Variants in CATSPERT observed in about 807,000 individuals in gnomAD.
The protein encoded by CATSPERT is cation channel sperm-associated targeting subunit tau.
the CATSPERT span, among the ~76,000 whole-genome samples, chr2:201,589,142 A>G: frequency 6.6e-6 from 1 of 152,290 alleles, no homozygotes; most frequent in African/African-American, 2.4e-5. Context: ...ATGCTCATGC[A>G]TAGAAAGAAT....
the CATSPERT span, among the ~76,000 whole-genome samples, chr2:201,582,447 A>G: frequency 6.6e-6 from 1 of 152,190 alleles, no homozygotes; most frequent in African/African-American, 2.4e-5. Flanking sequence ...TATCAACAAA[A>G]TGAAGATCTT....
chr2:201,547,781 C>G, the CATSPERT span, among the ~76,000 whole-genome samples: 1 of 152,090 alleles, frequency 6.6e-6, no homozygotes, highest in East Asian at 1.9e-4. Context: ...ATGATTACAA[C>G]AAAAATCAAG....
the CATSPERT span, among the ~76,000 whole-genome samples, chr2:201,522,058 T>A: frequency 2.9e-3 from 444 of 152,114 alleles, 1 homozygote; most frequent in Middle Eastern, 0.01. Flanking sequence ...ACAGCTAACA[T>A]CATACTGAAT....
the CATSPERT span, chr2:201,492,854 T>C: frequency 6.5e-7 from 1 of 1,536,674 alleles, no homozygotes; most frequent in East Asian, 2.4e-5. Context: ...TCTGAAAGTC[T>C]TTCTACAAGG....
the CATSPERT span, among the ~76,000 whole-genome samples, chr2:201,563,095 G>A: frequency 6.7e-6 from 1 of 150,034 alleles, no homozygotes; most frequent in African/African-American, 2.5e-5. Context: ...GGGGCGGCCG[G>A]GCAGAGGCGC....
At chr2:201,504,434 T>C in the CATSPERT span, among the ~76,000 whole-genome samples, 1 of 152,206 alleles carries the variant, frequency 6.6e-6, no homozygotes, top group Non-Finnish European at 1.5e-5. Context: ...CATGCCCAAA[T>C]AGCTCAAGAT....
chr2:201,600,501 G>A, the CATSPERT span, among the ~76,000 whole-genome samples: 1 of 152,024 alleles, frequency 6.6e-6, no homozygotes, highest in African/African-American at 2.4e-5. Flanking sequence ...TGACTTGACA[G>A]GTGCAGCAAG....
chr2:201,520,664 G>T, the CATSPERT span, among the ~76,000 whole-genome samples: 1 of 152,106 alleles, frequency 6.6e-6, no homozygotes, highest in Non-Finnish European at 1.5e-5. Flanking sequence ...GAGGCGGGTG[G>T]ATCATTTGAG....
the CATSPERT span, chr2:201,574,387 T>A: frequency 6.4e-6 from 5 of 778,744 alleles, no homozygotes; most frequent in Non-Finnish European, 9.7e-6. Flanking sequence ...AGCCAAAGTA[T>A]GAATCTCCTG....
chr2:201,567,777 T>G, the CATSPERT span, among the ~76,000 whole-genome samples: 1 of 152,198 alleles, frequency 6.6e-6, no homozygotes, highest in Non-Finnish European at 1.5e-5. Flanking sequence ...AAAGTGAATC[T>G]CATCATAAAC....
At chr2:201,550,124 T>G in the CATSPERT span, 1 of 152,166 alleles carries the variant, frequency 6.6e-6, no homozygotes, top group Non-Finnish European at 1.5e-5. Context: ...AGCTGTTCCA[T>G]CATTAGGCCT....
the CATSPERT span, among the ~76,000 whole-genome samples, chr2:201,534,084 C>A: frequency 1.1e-3 from 163 of 146,100 alleles, 1 homozygote; most frequent in African/African-American, 4.0e-3. Flanking sequence ...ATCTATCTAT[C>A]TATCAAATCT....
At chr2:201,537,351 T>C in the CATSPERT span, 10 of 1,172,522 alleles carry the variant, frequency 8.5e-6, no homozygotes, top group Admixed American at 4.9e-5. Flanking sequence ...TGCCTTTCTC[T>C]ATCTATAAAT....
chr2:201,493,961 C>A, the CATSPERT span: 2 of 1,536,450 alleles, frequency 1.3e-6, no homozygotes, highest in Non-Finnish European at 1.7e-6. Flanking sequence ...ATTATCTGAC[C>A]CCCTTCTGAA....
chr2:201,564,318 A>C, the CATSPERT span, among the ~76,000 whole-genome samples: 1 of 152,228 alleles, frequency 6.6e-6, no homozygotes, highest in Non-Finnish European at 1.5e-5. Flanking sequence ...CTGTAGGTAT[A>C]TGTAATTAAA....
At chr2:201,521,061 A>G in the CATSPERT span, among the ~76,000 whole-genome samples, 1 of 152,186 alleles carries the variant, frequency 6.6e-6, no homozygotes, top group Non-Finnish European at 1.5e-5. Context: ...AAGAAATAGA[A>G]AGTCTGAACA....
chr2:201,575,152 C>T, the CATSPERT span: 34 of 665,768 alleles, frequency 5.1e-5, no homozygotes, highest in East Asian at 1.1e-3. Context: ...CTATTTCAAA[C>T]AGTGACTGGT....
At chr2:201,618,833 T>C in the CATSPERT span, 1 of 1,490,718 alleles carries the variant, frequency 6.7e-7, no homozygotes, top group Non-Finnish European at 9.2e-7. Flanking sequence ...TTTAATCCTT[T>C]CACCACCCTC....
At chr2:201,545,025 T>C in the CATSPERT span, among the ~76,000 whole-genome samples, 1 of 151,724 alleles carries the variant, frequency 6.6e-6, no homozygotes, top group Admixed American at 6.6e-5. Flanking sequence ...AATTTAAAAA[T>C]AAAGCAACAT....
Sources: gnomAD v4.1 joint callset for allele counts (sites outside exome capture counted in the v4.1 genomes callset) on GRCh38, gnomAD v4.1.1 for gene constraint, MANE v1.5 for transcripts, NCBI Gene and HGNC (gene_info 2026-07-23, HGNC 2026-07-21) for gene names.